The following ATP1A1 variants were observed in gnomAD, a reference collection of about 807,000 sequenced individuals.
ATP1A1 encodes ATPase Na+/K+ transporting subunit alpha 1.
ATP1A1 carries 14 observed loss-of-function variants against 114.8 expected under a neutral mutation model. That is an observed-to-expected ratio of 0.12 (90% confidence interval 0.08 to 0.19). ATP1A1 has a LOEUF of 0.19. ATP1A1 is among the 10% of genes least tolerant of loss of function. The probability of loss-of-function intolerance (pLI) is 1.00; values close to 1 mark genes in which losing one functional copy is unlikely to be tolerated. For missense variants in ATP1A1, 524 were observed against 1,290.7 expected (o/e 0.41, Z 9.10); for synonymous variants, 471 against 466.3 (o/e 1.01, Z -0.13).
intron 1 of ATP1A1, among the ~76,000 whole-genome samples, chr1:116,380,698 T>C (rs896329962): frequency 2.0e-4 from 30 of 152,264 alleles, no homozygotes; most frequent in African/African-American, 7.2e-4. Context: ...TGAGTGAACC[T>C]TGTTACATGT....
intron 1 of ATP1A1, chr1:116,383,273 T>C (rs573594667): frequency 1.3e-5 from 11 of 828,672 alleles, no homozygotes; most frequent in Non-Finnish European, 1.5e-5. Flanking sequence ...TTTTATCTCT[T>C]ATGCAAAGAA....
At position 116,397,906 on chromosome 1, in the gene ATP1A1, A is replaced by C; in HGVS notation, c.1992A>C (p.Val664=). The part of the protein sequence containing the change: ...QVNPRDAKAC[V]VHGSDLKDMT... The stretch of plus-strand genomic sequence containing the variant: ...ATTCTAGGGATGCCAAGGCCTGCGT[A>C]GTACACGGCAGTGATCTAAAGGACA... The change falls in exon 15 of 23, where the codon GTA becomes GTC. Residue 664 remains valine (V), a synonymous_variant. Coordinates refer to ENST00000295598, the MANE Select transcript of ATP1A1 (RefSeq NM_000701.8). The surrounding 1 kb of genome is among the most constrained non-coding windows in gnomAD (Gnocchi z 4.2). 1 of 1,610,400 alleles carries C rather than the reference A, an allele frequency of 6.2e-7. No homozygotes were observed. The highest frequency in any genetic ancestry group is 1.4e-5 in the African/African-American group (1 of 73,866).
Position 116,389,505 on chromosome 1 carries a change from C to T in ATP1A1, c.821C>T (p.Ala274Val). 6.2e-7 allele frequency: 1 copy of T among 1,614,188 alleles called. No homozygotes were observed. The highest frequency in any genetic ancestry group is 8.5e-7 in the Non-Finnish European group (1 of 1,180,028). Residue 274 changes from alanine to valine, a missense_variant, in exon 8 of 23, where the codon GCT becomes GTT. Around this residue, in one of 8 missense-constraint regions of ATP1A1, gnomAD observed 141 missense variants for 316.6 expected, o/e 0.45. Transcript: ENST00000295598. The surrounding 1 kb of genome is among the most constrained non-coding windows in gnomAD (Gnocchi z 6.9). ...RTVMGRIATL[A>V]SGLEGGQTPI... is the part of the protein sequence containing the mutation. ...GTGATGGGAAGAATTGCCACACTTGCTTCTGGGCTGGAAGGAGGCCAGACC... is the reference window on the plus strand; with the variant it reads ...GTGATGGGAAGAATTGCCACACTTGTTTCTGGGCTGGAAGGAGGCCAGACC...
chr1:116,392,758 A>G, intron 10 of ATP1A1, 96 bp from the exon 11 acceptor site: 1 of 1,448,778 alleles, frequency 6.9e-7, no homozygotes, highest in Non-Finnish European at 9.4e-7. Context: ...ACCTCTGACA[A>G]GATTGGAATG....
At chr1:116,373,866 C>T (rs1651166647) in intron 1 of ATP1A1, 7 of 1,262,678 alleles carry the variant, frequency 5.5e-6, no homozygotes, top group East Asian at 6.9e-5. Flanking sequence ...AGGGGGCTTG[C>T]AGCAGCGGGG....
chr1:116,375,476 G>A (rs1027933524), intron 1 of ATP1A1, among the ~76,000 whole-genome samples: 1 of 152,150 alleles, frequency 6.6e-6, no homozygotes, highest in Non-Finnish European at 1.5e-5. Context: ...GTAGTGATGC[G>A]GTGGTAACCC....
At chr1:116,392,237 C>T (rs1570961803) in intron 10 of ATP1A1, 1 of 152,194 alleles carries the variant, frequency 6.6e-6, no homozygotes, top group African/African-American at 2.4e-5. Flanking sequence ...TGGGCTTTAA[C>T]TAAAATGTTA....
intron 1 of ATP1A1, chr1:116,373,837 A>C: frequency 8.1e-7 from 1 of 1,227,058 alleles, no homozygotes; most frequent in Non-Finnish European, 1.0e-6. Context: ...GGTGCTTGGG[A>C]AGCCTCGGGG....
In ATP1A1 at chr1:116,387,756, C is replaced by T. The variant is rs1254604449; in HGVS notation, c.387+265C>T. On this transcript the variant is annotated intron_variant, in intron 4 of 22. Transcript: ENST00000295598. This position sits in a 1 kb window ranked among gnomAD's most constrained non-coding sequence, Gnocchi z 6.7. ...GTGAGCAGGCAGCTCTGCTCAGGCC[C>T]CGGCCGCCACCCACTGGATGGCAGA... Among the ~76,000 whole-genome samples the T allele has an allele frequency of 6.6e-6, 1 of 152,238 alleles. No individual in the cohort carries two copies. The highest frequency in any genetic ancestry group is 2.4e-5 in the African/African-American group (1 of 41,462).
In ATP1A1 at chr1:116,398,268, G is replaced by A. The variant is rs140713179; in HGVS notation, c.2124+230G>A. ...GTCCACTGTGTCCCAGAGCCTGACCGCTCCGTGGAGTCATCTGATATGGGG... is the reference window on the plus strand; with the variant it reads ...GTCCACTGTGTCCCAGAGCCTGACCACTCCGTGGAGTCATCTGATATGGGG... On this transcript the variant is annotated intron_variant, in intron 15 of 22. Transcript: ENST00000295598. The surrounding 1 kb of genome is among the most constrained non-coding windows in gnomAD (Gnocchi z 6.1). 6.6e-6 allele frequency among the ~76,000 whole-genome samples: 1 copy of A among 152,308 alleles called. No homozygotes were observed. The highest frequency in any genetic ancestry group is 2.4e-5 in the African/African-American group (1 of 41,548).
rs1652632316 is a variant in ATP1A1 at position 116,393,399 on chromosome 1, C to G, written c.1468-132C>G. On this transcript the variant is annotated intron_variant, in intron 11 of 22. Transcript: ENST00000295598. This position sits in a 1 kb window ranked among gnomAD's most constrained non-coding sequence, Gnocchi z 5.0. ...CAAAGTATGTTACAGGTGTAAGATA[C>G]TTCAGAGTTCAGAAAGAAGGGATCT... 2.1e-6 allele frequency: 2 copies of G among 961,344 alleles called. No homozygotes were observed. Among genetic ancestry groups the G allele is most frequent in the Admixed American group, 5.0e-5 (2 of 39,682 alleles). The allele number at this position is 961,344 out of a possible 1,614,324, so 59.6% of individuals were successfully genotyped here.
rs777250534 is a variant in ATP1A1, at chr1:116,403,966, C to G, written c.3034C>G (p.Arg1012Gly). 1.2e-6 allele frequency: 2 copies of G among 1,613,994 alleles called. No individual in the cohort carries two copies. Among genetic ancestry groups the G allele is most frequent in the Middle Eastern group, 1.7e-4 (1 of 6,056 alleles). Residue 1012 changes from arginine to glycine, a missense_variant, in exon 22 of 23, where the codon CGC becomes GGC. Physicochemically the swap from Arg to Gly is moderately radical, Grantham distance 125. Around this residue, in one of 8 missense-constraint regions of ATP1A1, gnomAD observed 84 missense variants for 209.3 expected, o/e 0.40. Transcript: ENST00000295598. ...AGTCAGAAAACTCATCATCAGGCGACGCCCTGGCGGTAATTATGGGCATTC... is the reference window on the plus strand; with the variant it reads ...AGTCAGAAAACTCATCATCAGGCGAGGCCCTGGCGGTAATTATGGGCATTC... The part of the protein sequence containing the change: ...DEVRKLIIRR[R>G]PGGWVEKETY...
Position 116,387,598 on chromosome 1 carries a change from A to G in ATP1A1, c.387+107A>G. On this transcript the variant is annotated intron_variant, in intron 4 of 22. Transcript: ENST00000295598. This position sits in a 1 kb window ranked among gnomAD's most constrained non-coding sequence, Gnocchi z 6.7. ...ACCACTCATTACTTAATGGTTATGAACTCATTACTTAATGGTTATGAACAG... is the reference window on the plus strand; with the variant it reads ...ACCACTCATTACTTAATGGTTATGAGCTCATTACTTAATGGTTATGAACAG... 8.2e-7 allele frequency: 1 copy of G among 1,222,322 alleles called. No homozygotes were observed. The highest frequency in any genetic ancestry group is 1.1e-6 in the Non-Finnish European group (1 of 870,520). 75.7% of individuals were successfully genotyped at this position (1,222,322 alleles called of 1,614,324 possible). A position where few individuals can be genotyped will look rare whatever the true frequency, so the allele number is the denominator to read the frequency against.
chr1:116,400,786 G>A (rs1371741145), intron 18 of ATP1A1, 75 bp from the exon 19 acceptor site: 14 of 1,552,436 alleles, frequency 9.0e-6, no homozygotes, highest in African/African-American at 1.4e-5. Context: ...CAGGCCTGCT[G>A]CAGTAATCAG....
Position 116,389,075 on chromosome 1 carries a change from A to T in ATP1A1, c.754+56A>T. On this transcript the variant is annotated intron_variant, in intron 7 of 22. Coordinates refer to ENST00000295598, the MANE Select transcript of ATP1A1 (RefSeq NM_000701.8). This position sits in a 1 kb window ranked among gnomAD's most constrained non-coding sequence, Gnocchi z 6.9. ...CGTGGTATTTCTCTTGGGCATTAACAAAATCAAAACCATAGGCACAATCTC... is the reference window on the plus strand; with the variant it reads ...CGTGGTATTTCTCTTGGGCATTAACTAAATCAAAACCATAGGCACAATCTC... The T allele has an allele frequency of 1.4e-6, 2 of 1,472,454 alleles. No homozygotes were observed. Among genetic ancestry groups the T allele is most frequent in the South Asian group, 2.3e-5 (2 of 87,214 alleles). The allele number at this position is 1,472,454 out of a possible 1,614,324, so 91.2% of individuals were successfully genotyped here. A position where few individuals can be genotyped will look rare whatever the true frequency, so the allele number is the denominator to read the frequency against.
rs1652155786 is a variant in ATP1A1, at chr1:116,387,142, A to G, written c.184-146A>G. The G allele has an allele frequency of 1.1e-6, 1 of 890,232 alleles. No homozygotes were observed. Among genetic ancestry groups the G allele is most frequent in the Non-Finnish European group, 1.7e-6 (1 of 589,958 alleles). The allele number at this position is 890,232 out of a possible 1,614,324, so 55.1% of individuals were successfully genotyped here. A position where few individuals can be genotyped will look rare whatever the true frequency, so the allele number is the denominator to read the frequency against. On this transcript the variant is annotated intron_variant, in intron 3 of 22. Coordinates refer to ENST00000295598, the MANE Select transcript of ATP1A1 (RefSeq NM_000701.8). This position sits in a 1 kb window ranked among gnomAD's most constrained non-coding sequence, Gnocchi z 6.7. ...CATCAGCAGAATTATTCATGGAGGA[A>G]TTTGCTAGGTTTTACCTTGGCTCTC...
intron 13 of ATP1A1, 123 bp from the exon 14 acceptor site, chr1:116,396,475 A>T: frequency 1.6e-6 from 2 of 1,245,884 alleles, no homozygotes; most frequent in Non-Finnish European, 2.2e-6. Flanking sequence ...TTATATTTGC[A>T]TTCCTTTCCT....
At chr1:116,378,330 G>T (rs850602) in intron 1 of ATP1A1, among the ~76,000 whole-genome samples, 1 of 152,152 alleles carries the variant, frequency 6.6e-6, no homozygotes, top group African/African-American at 2.4e-5. Flanking sequence ...TCCTTTGTGA[G>T]TTATGATGAA....
Position 116,373,662 on chromosome 1 carries a change from C to G in ATP1A1, c.12+139C>G, listed in dbSNP as rs1207364731. ...CGTGGAGTGGGCTGGCAGAGCCGCG[C>G]GGCTTAAAAGACGACGCAGTTTGGA... On this transcript the variant is annotated intron_variant, in intron 1 of 22. Coordinates refer to ENST00000295598, the MANE Select transcript of ATP1A1 (RefSeq NM_000701.8). The G allele has an allele frequency of 1.5e-5, 15 of 1,025,560 alleles. No individual in the cohort carries two copies. In the Admixed American group the frequency reaches 3.2e-4, roughly 22 times the overall value. The allele number at this position is 1,025,560 out of a possible 1,614,324, so 63.5% of individuals were successfully genotyped here.
Sources: allele counts gnomAD v4.1 joint callset (sites outside exome capture counted in the v4.1 genomes callset), GRCh38; gene constraint gnomAD v4.1.1; regional missense constraint gnomAD v4.1.1; non-coding constraint Gnocchi (gnomAD v3.1); transcripts MANE v1.5; gene names NCBI Gene and HGNC (gene_info 2026-07-23, HGNC 2026-07-21).